Variants in TMEM178B observed in about 807,000 individuals in gnomAD.
TMEM178B encodes the protein transmembrane protein 178B.
In TMEM178B, 5 loss-of-function variants were observed where a neutral mutation model predicts 31.0. The ratio of observed to expected loss-of-function variants is 0.16; its 90% CI spans 0.08 to 0.34. The LOEUF (loss-of-function observed/expected upper bound fraction) is 0.34. Among genes scored for constraint, TMEM178B ranks in the 10% least tolerant of loss-of-function variants. The pLI is 1.00. For synonymous variants in TMEM178B, 164 were observed against 164.0 expected, an observed-to-expected ratio of 1.00 and a Z score of 0.00; for missense variants, 275 against 400.3, an observed-to-expected ratio of 0.69 and a Z score of 2.67.
intron 2 of TMEM178B, among the ~76,000 whole-genome samples, chr7:141,425,631 C>T (rs933473251): frequency 1.3e-5 from 2 of 152,116 alleles, no homozygotes; most frequent in Non-Finnish European, 2.9e-5. Flanking sequence ...GACTCTGCCT[C>T]TTGGTCTTGC....
chr7:141,122,339 C>A (rs1263393370), intron 1 of TMEM178B, among the ~76,000 whole-genome samples: 1 of 152,154 alleles, frequency 6.6e-6, no homozygotes, highest in Non-Finnish European at 1.5e-5. Flanking sequence ...CTGTCTAATG[C>A]AGGCTATTCA....
intron 2 of TMEM178B, among the ~76,000 whole-genome samples, chr7:141,307,654 A>T (rs1379712725): frequency 1.3e-5 from 2 of 152,250 alleles, no homozygotes; most frequent in Non-Finnish European, 2.9e-5. Flanking sequence ...CCCCATAAGG[A>T]CAGAGATTAG....
intron 1 of TMEM178B, among the ~76,000 whole-genome samples, chr7:141,105,867 G>T (rs549093542): frequency 6.6e-6 from 1 of 152,006 alleles, no homozygotes; most frequent in African/African-American, 2.4e-5. Flanking sequence ...GGCCAAGGTG[G>T]GTGGATCCCT....
intron 2 of TMEM178B, among the ~76,000 whole-genome samples, chr7:141,266,894 G>A (rs981504104): frequency 1.3e-5 from 2 of 152,236 alleles, no homozygotes; most frequent in Non-Finnish European, 2.9e-5. Flanking sequence ...TACTACAGTT[G>A]AATTTTCTGA....
chr7:141,185,534 G>A (rs1796596915), intron 1 of TMEM178B, among the ~76,000 whole-genome samples: 2 of 152,230 alleles, frequency 1.3e-5, no homozygotes, highest in South Asian at 4.1e-4. Flanking sequence ...TGCCCTCAAC[G>A]CGCAGCCGCT....
At chr7:141,308,068 G>C (rs1798843999) in intron 2 of TMEM178B, among the ~76,000 whole-genome samples, 1 of 152,212 alleles carries the variant, frequency 6.6e-6, no homozygotes. Context: ...CTGTGGTAGA[G>C]ATTTGATTTG....
intron 2 of TMEM178B, among the ~76,000 whole-genome samples, chr7:141,336,858 C>CCAT: frequency 7.6e-6 from 1 of 130,758 alleles, no homozygotes; most frequent in African/African-American, 3.0e-5. Context: ...ATTACCATCA[C>CCAT]TACCATCATC....
rs1456604495 is a variant in TMEM178B, at chr7:141,344,356, C to T, written c.497-93252C>T. On this transcript the variant is annotated intron_variant, in intron 2 of 3. Transcript: ENST00000565468. The surrounding 1 kb of genome is among the most constrained non-coding windows in gnomAD (Gnocchi z 4.1). ...GATCTCTGACTTCAAGGCCTGAGCT[C>T]AGAACCCCTGGTCCGATAGCCCTTC... is the stretch of plus-strand genomic sequence containing the variant. Among the ~76,000 whole-genome samples, 1 of 152,196 alleles carries T rather than the reference C, an allele frequency of 6.6e-6. No individual in the cohort carries two copies. The highest frequency in any genetic ancestry group is 1.5e-5 in the Non-Finnish European group (1 of 68,036).
chr7:141,254,316 C>T (rs1050931063), intron 2 of TMEM178B, among the ~76,000 whole-genome samples: 1 of 152,196 alleles, frequency 6.6e-6, no homozygotes, highest in Non-Finnish European at 1.5e-5. Flanking sequence ...AGCTCGTTTG[C>T]TGAGATGACC....
intron 2 of TMEM178B, among the ~76,000 whole-genome samples, chr7:141,418,659 A>G (rs923503618): frequency 3.3e-5 from 5 of 152,218 alleles, no homozygotes; most frequent in Middle Eastern, 3.4e-3. Context: ...TCGGTATTCA[A>G]ATTCTATTCT....
chr7:141,088,088 G>C (rs527316175), intron 1 of TMEM178B, among the ~76,000 whole-genome samples: 2 of 152,040 alleles, frequency 1.3e-5, no homozygotes, highest in Non-Finnish European at 2.9e-5. Context: ...GATGCTCTGC[G>C]GGGAGGGAGA....
At chr7:141,357,749 CAT>C (rs1799846269) in intron 2 of TMEM178B, among the ~76,000 whole-genome samples, 1 of 152,210 alleles carries the variant, frequency 6.6e-6, no homozygotes, top group Non-Finnish European at 1.5e-5. Flanking sequence ...TAAAGAAACA[CAT>C]ATATCACTAC....
chr7:141,233,674 C>G (rs1366061270), intron 2 of TMEM178B, among the ~76,000 whole-genome samples: 2 of 152,096 alleles, frequency 1.3e-5, no homozygotes, highest in East Asian at 3.9e-4. Context: ...TATATAGAGC[C>G]CTGAGCACTT....
intron 2 of TMEM178B, among the ~76,000 whole-genome samples, chr7:141,271,218 G>T (rs2116379720): frequency 6.6e-6 from 1 of 152,294 alleles, no homozygotes; most frequent in African/African-American, 2.4e-5. Flanking sequence ...TGGAGTTGGG[G>T]TGGCAGGAGG....
intron 1 of TMEM178B, among the ~76,000 whole-genome samples, chr7:141,136,896 A>AAG (rs1795684133): frequency 6.6e-6 from 1 of 152,180 alleles, no homozygotes; most frequent in Non-Finnish European, 1.5e-5. Flanking sequence ...AAGGATCTGA[A>AAG]TACATATTTC....
chr7:141,446,216 AG>A (rs1482635466), intron 3 of TMEM178B, among the ~76,000 whole-genome samples: 1 of 152,198 alleles, frequency 6.6e-6, no homozygotes, highest in Non-Finnish European at 1.5e-5. Flanking sequence ...GCAGACCCAA[AG>A]GAGTTTCACC....
At chr7:141,197,363 A>G (rs1796800592) in intron 1 of TMEM178B, among the ~76,000 whole-genome samples, 1 of 152,214 alleles carries the variant, frequency 6.6e-6, no homozygotes. Flanking sequence ...TCCAGCACCC[A>G]TGTTCTTTAT....
chr7:141,163,248 C>T (rs1198622200), intron 1 of TMEM178B, among the ~76,000 whole-genome samples: 1 of 152,170 alleles, frequency 6.6e-6, no homozygotes, highest in Non-Finnish European at 1.5e-5. Flanking sequence ...ATGTAATTCT[C>T]ATGATAATGG....
intron 2 of TMEM178B, among the ~76,000 whole-genome samples, chr7:141,330,329 T>C (rs958200285): frequency 1.3e-5 from 2 of 152,160 alleles, no homozygotes; most frequent in African/African-American, 4.8e-5. Flanking sequence ...CCTGTGTCCA[T>C]GTGTTCTCAT....
Sources: allele counts gnomAD v4.1 joint callset (sites outside exome capture counted in the v4.1 genomes callset), GRCh38; gene constraint gnomAD v4.1.1; non-coding constraint Gnocchi (gnomAD v3.1); transcripts MANE v1.5; gene names NCBI Gene and HGNC (gene_info 2026-07-23, HGNC 2026-07-21).